Variants in ST18 observed in about 807,000 individuals in gnomAD.
The protein encoded by ST18 is suppression of tumorigenicity 18 protein.
In ST18, 50 loss-of-function variants were observed where a neutral mutation model predicts 110.0. The ratio of observed to expected loss-of-function variants is 0.45; its 90% CI spans 0.36 to 0.58. ST18 has a LOEUF of 0.58. ST18 is among the 20% of genes least tolerant of loss of function. ST18 has a pLI of 0.00. For missense variants in ST18, 1,306 were observed against 1,280.1 expected (o/e 1.02, Z -0.31); for synonymous variants, 461 against 452.4 (o/e 1.02, Z -0.24).
intron 2 of ST18, among the ~76,000 whole-genome samples, chr8:52,350,774 G>A (rs532144013): frequency 9.6e-4 from 145 of 150,982 alleles, no homozygotes; most frequent in African/African-American, 3.4e-3. Flanking sequence ...AGGCTGAAGT[G>A]CAGTGGCCCA....
intron 23 of ST18, among the ~76,000 whole-genome samples, chr8:52,124,034 T>A (rs1304452185): frequency 6.6e-6 from 1 of 152,174 alleles, no homozygotes; most frequent in East Asian, 1.9e-4. Flanking sequence ...TAGCTTTCTT[T>A]TGTGTTGGCT....
At chr8:52,331,205 A>G (rs1021570412) in intron 2 of ST18, among the ~76,000 whole-genome samples, 9 of 152,174 alleles carry the variant, frequency 5.9e-5, no homozygotes, top group Admixed American at 5.9e-4. Flanking sequence ...AGCACACTGT[A>G]CATCTTGTCA....
At chr8:52,295,257 G>A (rs767243787) in intron 2 of ST18, among the ~76,000 whole-genome samples, 3 of 152,134 alleles carry the variant, frequency 2.0e-5, no homozygotes, top group Non-Finnish European at 4.4e-5. Flanking sequence ...GTGCTTGAAC[G>A]CTTTATTTAA....
chr8:52,322,731 T>A (rs1483265909), intron 2 of ST18, among the ~76,000 whole-genome samples: 1 of 152,140 alleles, frequency 6.6e-6, no homozygotes, highest in African/African-American at 2.4e-5. Flanking sequence ...TGTTTCAACA[T>A]CCAAAGAATA....
intron 16 of ST18, 55 bp downstream of exon 16, chr8:52,149,677 G>A: frequency 3.2e-6 from 5 of 1,568,878 alleles, no homozygotes; most frequent in Non-Finnish European, 4.3e-6. Context: ...AAAAGCTAGT[G>A]ATACCCTGCA....
intron 2 of ST18, among the ~76,000 whole-genome samples, chr8:52,364,094 AT>A (rs974313288): frequency 1.3e-5 from 2 of 152,226 alleles, no homozygotes; most frequent in African/African-American, 4.8e-5. Flanking sequence ...ACATGAAACC[AT>A]TTTTAAGCTC....
chr8:52,385,684 C>T (rs1012924499), intron 2 of ST18, among the ~76,000 whole-genome samples: 2 of 151,462 alleles, frequency 1.3e-5, no homozygotes, highest in South Asian at 2.1e-4. Flanking sequence ...TCCTGCTGCC[C>T]CAGAGCCCTC....
At position 52,133,200 on chromosome 8, in the gene ST18, A is replaced by G. The variant is rs1461725557; in HGVS notation, c.2363+39T>C. 3 of 1,614,052 alleles carry G rather than the reference A, an allele frequency of 1.9e-6. No individual in the cohort carries two copies. In the Admixed American group the frequency reaches 5.0e-5, roughly 27 times the overall value. On this transcript the variant is annotated intron_variant, in intron 20 of 25. Coordinates refer to ENST00000689386, the MANE Select transcript of ST18 (RefSeq NM_001352837.2). Reference sequence around the variant, plus strand: ...TGTGATCTCTCTGACTGCTGCCGACAAGCTCATTTCCACATCTCAGAAATA... The same window carrying G: ...TGTGATCTCTCTGACTGCTGCCGACGAGCTCATTTCCACATCTCAGAAATA...
intron 16 of ST18, among the ~76,000 whole-genome samples, chr8:52,145,080 G>T (rs753638833): frequency 6.7e-6 from 1 of 150,316 alleles, no homozygotes; most frequent in African/African-American, 2.4e-5. Context: ...TAACGAAAAC[G>T]GCATAAAGTA....
intron 2 of ST18, among the ~76,000 whole-genome samples, chr8:52,332,832 C>A (rs1810227504): frequency 6.6e-6 from 1 of 152,082 alleles, no homozygotes; most frequent in African/African-American, 2.4e-5. Context: ...GCCTGGGCAA[C>A]AGAGCAAGAC....
chr8:52,146,946 A>G (rs1159486554), intron 16 of ST18, among the ~76,000 whole-genome samples: 1 of 152,216 alleles, frequency 6.6e-6, no homozygotes, highest in Non-Finnish European at 1.5e-5. Context: ...ATTTAGCTTA[A>G]ACAAATATTC....
chr8:52,242,872 CAAA>C (rs200931792), intron 2 of ST18, among the ~76,000 whole-genome samples: 1 of 129,034 alleles, frequency 7.7e-6, no homozygotes, highest in African/African-American at 2.8e-5. Context: ...GACTCTGCCT[CAAA>C]AAAAAAAAAA....
intron 2 of ST18, among the ~76,000 whole-genome samples, chr8:52,288,501 A>C (rs2095503716): frequency 6.6e-6 from 1 of 152,060 alleles, no homozygotes; most frequent in African/African-American, 2.4e-5. Context: ...GGAGTTCAAG[A>C]CCAGCTTGGC....
In ST18 at chr8:52,126,057, G is replaced by A. The variant is rs2046949479; in HGVS notation, c.2750C>T (p.Thr917Ile). ...AGCCAGCCCTGTGCTCTTACCCCCA[G>A]TTGCTTTGAGCTTGATGGTCATGAG... Reference protein sequence around the residue: ...EELMTIKLKATGGIESDEEIR... With the variant: ...EELMTIKLKAIGGIESDEEIR... The change falls in exon 23 of 26, where the codon ACT becomes ATT. Residue 917 changes from threonine (T) to isoleucine (I), a missense_variant. By Grantham distance (89) the Thr-to-Ile change is moderately conservative (BLOSUM62 -1). Transcript: ENST00000689386. The A allele has an allele frequency of 6.2e-7, 1 of 1,613,934 alleles. No individual in the cohort carries two copies. Among genetic ancestry groups the A allele is most frequent in the African/African-American group, 1.3e-5 (1 of 74,922 alleles).
intron 18 of ST18, 57 bp from the exon 19 acceptor site, chr8:52,136,715 C>A: frequency 7.0e-7 from 1 of 1,433,558 alleles, no homozygotes; most frequent in South Asian, 1.2e-5. Context: ...AAATCTGAGT[C>A]AAATGGCATC....
chr8:52,124,758 C>T (rs200730800), intron 23 of ST18, among the ~76,000 whole-genome samples: 1 of 152,060 alleles, frequency 6.6e-6, no homozygotes, highest in Non-Finnish European at 1.5e-5. Context: ...ATGTACACTC[C>T]CCTCCTTTGG....
intron 2 of ST18, among the ~76,000 whole-genome samples, chr8:52,331,719 G>A (rs544793278): frequency 2.5e-4 from 38 of 152,298 alleles, no homozygotes; most frequent in African/African-American, 6.7e-4. Flanking sequence ...TGGGGGACAC[G>A]TGTGCATATC....
rs866947274 is a variant in ST18 at position 52,371,817 on chromosome 8, C to T, written c.-465+37511G>A. Among the ~76,000 whole-genome samples, 6 of 152,288 alleles carry T rather than the reference C, an allele frequency of 3.9e-5. No homozygotes were observed. The South Asian group carries it at 1.0e-3, about 26-fold the overall frequency. On this transcript the variant is annotated intron_variant, in intron 2 of 25. Transcript: ENST00000689386. ...ATGTCACAGAGCAATGCATGCCTCA[C>T]GTGGGGATGCTGGAGTAAGCAACCC...
chr8:52,172,039 T>A lies in ST18; in HGVS notation c.822A>T (p.Ser274=). The A allele has an allele frequency of 6.2e-7, 1 of 1,614,240 alleles. No homozygotes were observed. ...TATCTTCCTCCTCAACGTCAGGGAATGAGGGCTGGGCATTGCCATCCAGGG... is the reference window on the plus strand; with the variant it reads ...TATCTTCCTCCTCAACGTCAGGGAAAGAGGGCTGGGCATTGCCATCCAGGG... ...AEPLDGNAQP[S]FPDVEEEDSE... The change falls in exon 10 of 26, where the codon TCA becomes TCT. Residue 274 remains serine, a synonymous_variant. Transcript: ENST00000689386.
Sources: gnomAD v4.1 joint callset for allele counts (sites outside exome capture counted in the v4.1 genomes callset) on GRCh38, gnomAD v4.1.1 for gene constraint, MANE v1.5 for transcripts, NCBI Gene and HGNC (gene_info 2026-07-23, HGNC 2026-07-21) for gene names.